CHMP7: variants seen among roughly 807,000 people sequenced by gnomAD.
The protein encoded by CHMP7 is CHMP family, member 7.
A neutral mutation model predicts 53.7 loss-of-function variants in CHMP7; 15 were observed. The observed-to-expected ratio is 0.28, with a 90% CI of 0.19 to 0.43. The LOEUF (loss-of-function observed/expected upper bound fraction) is 0.43. Ranked by LOEUF, CHMP7 falls within the 20% of genes least tolerant of loss-of-function variation. The pLI, the probability that CHMP7 is intolerant of heterozygous loss-of-function variation, is 1.00. For missense variants in CHMP7, 527 were observed against 569.4 expected (o/e 0.93, Z 0.76); for synonymous variants, 261 against 228.0 (o/e 1.14, Z -1.30).
chr8:23,254,939 C>G (rs1802066080), intron 3 of CHMP7: 1 of 429,600 alleles, frequency 2.3e-6, no homozygotes, highest in African/African-American at 2.0e-5. Flanking sequence ...ACCTCACCTC[C>G]TCAGTCTTCC....
chr8:23,249,050 G>A (rs780269486), intron 2 of CHMP7, among the ~76,000 whole-genome samples, 160 bp from the exon 3 acceptor site: 10 of 152,202 alleles, frequency 6.6e-5, no homozygotes, highest in Non-Finnish European at 1.3e-4. Context: ...TAGAGCTGGA[G>A]TATAAACAAT....
intron 1 of CHMP7, among the ~76,000 whole-genome samples, chr8:23,245,901 T>C (rs527592981): frequency 6.6e-6 from 1 of 152,366 alleles, no homozygotes; most frequent in Admixed American, 6.5e-5. Context: ...TTTGTGGACA[T>C]ACAGTTATTC....
chr8:23,254,198 T>TTC (rs1802039218), intron 3 of CHMP7, among the ~76,000 whole-genome samples: 1 of 151,668 alleles, frequency 6.6e-6, no homozygotes, highest in South Asian at 2.1e-4. Context: ...TTTTTTTTTT[T>TTC]CAAGAAATCC....
intron 3 of CHMP7, among the ~76,000 whole-genome samples, chr8:23,253,349 T>C (rs544094105): frequency 3.3e-5 from 5 of 152,354 alleles, no homozygotes; most frequent in Non-Finnish European, 7.3e-5. Context: ...AGTGGCACAA[T>C]GTTGGCTCAG....
At chr8:23,252,193 A>ATTTTTTTTTTT (rs1563405578) in intron 3 of CHMP7, among the ~76,000 whole-genome samples, 8 of 48,446 alleles carry the variant, frequency 1.7e-4, no homozygotes, top group African/African-American at 2.8e-4. Context: ...GTATTGTGTT[A>ATTTTTTTTTTT]TCTTTTTTTT....
At chr8:23,248,068 T>C (rs1289063416) in intron 2 of CHMP7, 4 of 456,146 alleles carry the variant, frequency 8.8e-6, no homozygotes, top group Non-Finnish European at 1.8e-5. Context: ...CACCTCAGCC[T>C]CCCAAAGTGT....
rs766394300 is a variant in CHMP7, at chr8:23,260,521, A to G, written c.1301-17A>G. On this transcript the variant is annotated splice_polypyrimidine_tract_variant and intron_variant, in intron 10 of 10. Coordinates refer to ENST00000397677, the MANE Select transcript of CHMP7 (RefSeq NM_152272.5). The stretch of plus-strand genomic sequence containing the variant: ...GATTTTCCTGTTATAGTGTTCAGTC[A>G]TTTCTTTGCCTTGCAGGTTTGGTCC... The G allele has an allele frequency of 9.4e-6, 15 of 1,591,384 alleles. No homozygotes were observed. Among genetic ancestry groups the G allele is most frequent in the Admixed American group, 1.7e-5 (1 of 59,344 alleles).
intron 6 of CHMP7, 39 bp from the exon 7 acceptor site, chr8:23,258,291 C>A: frequency 1.9e-6 from 3 of 1,613,420 alleles, no homozygotes; most frequent in South Asian, 1.1e-5. Context: ...CCCTTTGGCT[C>A]GCCCAGTTCA....
chr8:23,244,424 T>C lies in CHMP7; in HGVS notation c.-441+580T>C, dbSNP rs1013061472. The stretch of plus-strand genomic sequence containing the variant: ...AGACTCTTTGAACCATTGTATTGCC[T>C]TTCTTTTTTCGAAAGGTCAGTTGAC... On this transcript the variant is annotated intron_variant, in intron 1 of 10. Transcript: ENST00000397677. Among the ~76,000 whole-genome samples, 6 of 152,350 alleles carry C rather than the reference T, an allele frequency of 3.9e-5. No individual in the cohort carries two copies. In the South Asian group the frequency reaches 1.2e-3, roughly 32 times the overall value.
At chr8:23,256,959 AT>A in intron 5 of CHMP7, among the ~76,000 whole-genome samples, 1 of 151,634 alleles carries the variant, frequency 6.6e-6, no homozygotes, top group African/African-American at 2.4e-5. Flanking sequence ...CGCCTGGCGA[AT>A]TTTTTATATT....
Position 23,256,758 on chromosome 8 carries a change from A to C in CHMP7, c.791+165A>C, listed in dbSNP as rs1353767838. 12 of 385,612 alleles carry C rather than the reference A, an allele frequency of 3.1e-5. No individual in the cohort carries two copies. In the East Asian group the frequency reaches 3.6e-4, roughly 12 times the overall value. 23.9% of individuals were successfully genotyped at this position (385,612 alleles called of 1,614,324 possible). On this transcript the variant is annotated intron_variant, in intron 5 of 10. Transcript: ENST00000397677. ...ATGCAGAAATCATGGAAAGCACAGA[A>C]TATCACAAAAGAGAAAAAAAAATGA...
intron 1 of CHMP7, among the ~76,000 whole-genome samples, chr8:23,244,765 A>C (rs898136391): frequency 6.6e-6 from 1 of 152,232 alleles, no homozygotes; most frequent in African/African-American, 2.4e-5. Flanking sequence ...TTTCCTGTCC[A>C]TGAATATAAA....
At chr8:23,254,836 A>T (rs999201210) in intron 3 of CHMP7, 27 of 294,292 alleles carry the variant, frequency 9.2e-5, no homozygotes, top group African/African-American at 5.4e-4. Context: ...TCAGAGAGTG[A>T]TACTGAGGAC....
intron 6 of CHMP7, 22 bp downstream of exon 6, chr8:23,258,103 A>G: frequency 6.2e-7 from 1 of 1,605,072 alleles, no homozygotes; most frequent in Non-Finnish European, 8.5e-7. Context: ...TCTCCTCCAG[A>G]CCCATAGCAG....
In CHMP7 at chr8:23,246,917, G is replaced by T. The variant is rs951979233; in HGVS notation, c.222G>T (p.Leu74=). The T allele has an allele frequency of 3.2e-6, 5 of 1,570,628 alleles. No homozygotes were observed. In the African/African-American group the frequency reaches 6.7e-5, roughly 21 times the overall value. ...SRRQGVVRLR[L]RDLQEAFQRK... is the part of the protein sequence containing the mutation. Reference sequence around the variant, plus strand: ...GCCAGGGGGTGGTGCGCCTGCGTCTGCGGGACTTGCAGGAGGCCTTTCAGC... The same window carrying T: ...GCCAGGGGGTGGTGCGCCTGCGTCTTCGGGACTTGCAGGAGGCCTTTCAGC... The change falls in exon 2 of 11, where the codon CTG becomes CTT. Residue 74 remains leucine (L), a synonymous_variant. Coordinates refer to ENST00000397677, the MANE Select transcript of CHMP7 (RefSeq NM_152272.5).
At chr8:23,248,847 A>G (rs939303983) in intron 2 of CHMP7, among the ~76,000 whole-genome samples, 1 of 152,154 alleles carries the variant, frequency 6.6e-6, no homozygotes, top group Admixed American at 6.5e-5. Context: ...TTGAGCACCA[A>G]TTGTAAAAGG....
intron 3 of CHMP7, chr8:23,254,781 A>C: frequency 4.8e-6 from 1 of 209,326 alleles, no homozygotes; most frequent in Admixed American, 5.2e-5. Flanking sequence ...GAAAATGGAG[A>C]GACTACAATT....
intron 2 of CHMP7, chr8:23,247,865 C>T (rs1480678490): frequency 2.8e-6 from 1 of 356,152 alleles, no homozygotes; most frequent in African/African-American, 2.1e-5. Flanking sequence ...TAGCGTGATA[C>T]CTCTCTCAGT....
chr8:23,248,047 A>C, intron 2 of CHMP7: 1 of 456,068 alleles, frequency 2.2e-6, no homozygotes, highest in Non-Finnish European at 4.4e-6. Flanking sequence ...CCTGCACTCA[A>C]GCGATCCTCC....
Sources: allele counts gnomAD v4.1 joint callset (sites outside exome capture counted in the v4.1 genomes callset), GRCh38; gene constraint gnomAD v4.1.1; transcripts MANE v1.5; gene names NCBI Gene and HGNC (gene_info 2026-07-23, HGNC 2026-07-21).